TTC14: variants seen among roughly 807,000 people sequenced by gnomAD.
The protein encoded by TTC14 is tetratricopeptide repeat domain 14.
In TTC14, 63 loss-of-function variants were observed where a neutral mutation model predicts 79.9. That is an observed-to-expected ratio of 0.79 (90% confidence interval 0.64 to 0.97). The LOEUF is 0.97. Among genes scored for constraint, TTC14 ranks in the 50% least tolerant of loss-of-function variants. The pLI is 0.00. For synonymous variants in TTC14, 335 were observed against 309.6 expected (o/e 1.08, Z -0.86); for missense variants, 895 against 894.0 (o/e 1.00, Z -0.01).
At position 180,610,117 on chromosome 3, in the gene TTC14, T is replaced by G. The variant is rs369303430; in HGVS notation, c.1888T>G (p.Ser630Ala). Reference sequence around the variant, plus strand: ...ACATTTTTCCAGTAGAAGAAATTCCTCAGATTCCTTCTGTAGGAATTCAGA... The same window carrying G: ...ACATTTTTCCAGTAGAAGAAATTCCGCAGATTCCTTCTGTAGGAATTCAGA... ...ERHFSSRRNS[S>A]DSFCRNSEDK... The change falls in exon 12 of 12, where the codon TCA (serine) becomes GCA (alanine). Residue 630 changes from serine (S) to alanine (A), a missense_variant. Transcript: ENST00000296015. 43 of 1,612,916 alleles carry G rather than the reference T, an allele frequency of 2.7e-5. No individual in the cohort carries two copies. The African/African-American group carries it at 4.5e-4, about 17-fold the overall frequency.
downstream of TTC14, among the ~76,000 whole-genome samples, chr3:180,611,333 A>G (rs1012048394): frequency 6.6e-6 from 1 of 152,226 alleles, no homozygotes; most frequent in Non-Finnish European, 1.5e-5. Context: ...TTTTAGCAAA[A>G]ACATAGCAGT....
chr3:180,616,648 A>T, intron 12 of TTC14: 1 of 1,593,994 alleles, frequency 6.3e-7, no homozygotes, highest in Admixed American at 1.8e-5. Context: ...CCATTGTTTC[A>T]TCTTTTGTGT....
intron 2 of TTC14, 31 bp downstream of exon 2, chr3:180,603,046 C>T (rs562820297): frequency 3.7e-6 from 6 of 1,609,266 alleles, no homozygotes; most frequent in East Asian, 2.2e-5. Flanking sequence ...TTTAAGATTG[C>T]GGTTCGGTTT....
downstream of TTC14, chr3:180,614,134 A>C (rs1717126726): frequency 5.9e-6 from 1 of 170,896 alleles, no homozygotes; most frequent in Non-Finnish European, 1.3e-5. Context: ...TTGGCAGTCT[A>C]CCTCCAACTG....
chr3:180,611,497 T>C (rs987470217), downstream of TTC14, among the ~76,000 whole-genome samples: 3 of 152,184 alleles, frequency 2.0e-5, no homozygotes, highest in African/African-American at 7.2e-5. Context: ...TTGATGCTTC[T>C]CTGATGACCC....
At position 180,606,475 on chromosome 3, in the gene TTC14, C is replaced by T; in HGVS notation, c.1050-6C>T. ...ACAGCCCTCTATCTTTGTTTCATGT[C>T]TCTAGATATGCGACAAAAGGAAGTT... is the stretch of plus-strand genomic sequence containing the variant. On this transcript the variant is annotated splice_region_variant and splice_polypyrimidine_tract_variant and intron_variant, in intron 8 of 11. Transcript: ENST00000296015. 6.2e-7 allele frequency: 1 copy of T among 1,613,652 alleles called. No individual in the cohort carries two copies. The highest frequency in any genetic ancestry group is 8.5e-7 in the Non-Finnish European group (1 of 1,179,836).
chr3:180,608,651 A>G (rs1716821453), intron 10 of TTC14, 50 bp from the exon 11 acceptor site: 1 of 1,443,880 alleles, frequency 6.9e-7, no homozygotes, highest in Non-Finnish European at 9.1e-7. Context: ...GGTTTTATAT[A>G]TTCTGCTATT....
Position 180,617,052 on chromosome 3 carries a change from AATTC to A in TTC14, c.1775-324_1775-321del, listed in dbSNP as rs1195131802. Reference sequence around the variant, plus strand: ...ATTTATCAAGTATTCATTTAATTTTAATTCATTTATTTTTGTACATAATATACAT... The same window carrying A: ...ATTTATCAAGTATTCATTTAATTTTAATTTATTTTTGTACATAATATACAT... On this transcript the variant is annotated intron_variant, in intron 12 of 12. Coordinates refer to the TTC14 transcript ENST00000382584. The A allele has an allele frequency of 1.0e-5, 8 of 762,188 alleles. No individual in the cohort carries two copies. In the Middle Eastern group the frequency reaches 1.6e-3, roughly 148 times the overall value. 47.2% of individuals were successfully genotyped at this position (762,188 alleles called of 1,614,324 possible). A position where few individuals can be genotyped will look rare whatever the true frequency, so the allele number is the denominator to read the frequency against.
At chr3:180,603,542 G>A in intron 3 of TTC14, 7 of 529,382 alleles carry the variant, frequency 1.3e-5, no homozygotes, top group South Asian at 1.2e-4. Flanking sequence ...AAACTGGTTG[G>A]CAGGCACAGT....
At chr3:180,608,233 A>G in intron 10 of TTC14, 1 of 990,960 alleles carries the variant, frequency 1.0e-6, no homozygotes, top group Non-Finnish European at 1.2e-6. Flanking sequence ...TTTCCTATGT[A>G]ATCATGCATC....
Position 180,602,931 on chromosome 3 carries a change from A to G in TTC14, c.202A>G (p.Ile68Val). ...TGACAACATCGAGATACAGAAATTC[A>G]TCTCCAAAAAAGCGGATCTGCTTTT... ...RVDNIEIQKF[I>V]SKKADLLFAL... is the part of the protein sequence containing the mutation. The change falls in exon 2 of 12, where the codon ATC (isoleucine) becomes GTC (valine). Residue 68 changes from isoleucine (I) to valine (V), a missense_variant. Coordinates refer to ENST00000296015, the MANE Select transcript of TTC14 (RefSeq NM_133462.4). 4 of 1,613,594 alleles carry G rather than the reference A, an allele frequency of 2.5e-6. No individual in the cohort carries two copies. The highest frequency in any genetic ancestry group is 2.2e-5 in the East Asian group (1 of 44,864).
intron 10 of TTC14, chr3:180,608,084 T>C (rs1716790507): frequency 1.9e-6 from 2 of 1,043,086 alleles, no homozygotes; most frequent in South Asian, 7.6e-5. Context: ...TAAAAACCTT[T>C]TTGAGACATA....
rs903261644 is a variant in TTC14, at chr3:180,617,356, C to T, written c.1775-24C>T. 3 of 557,426 alleles carry T rather than the reference C, an allele frequency of 5.4e-6. No individual in the cohort carries two copies. In the African/African-American group the frequency reaches 5.7e-5, roughly 11 times the overall value. 34.5% of individuals were successfully genotyped at this position (557,426 alleles called of 1,614,324 possible). ...ATTACTGATTTATGTATTTACTATA[C>T]AATATACTTTTATTATTTTACAGTG... On this transcript the variant is annotated intron_variant, in intron 12 of 12. Transcript: ENST00000382584.
In TTC14 at chr3:180,606,530, G is replaced by C; in HGVS notation, c.1099G>C (p.Ala367Pro). 1 of 1,613,982 alleles carries C rather than the reference G, an allele frequency of 6.2e-7. No homozygotes were observed. The highest frequency in any genetic ancestry group is 8.5e-7 in the Non-Finnish European group (1 of 1,179,896). ...LNKAIEDFEL[A>P]LENCPTHRNA... ...CAAAGCAATAGAAGATTTTGAGCTT[G>C]CATTAGAAAACTGTCCAACTCACAG... The change falls in exon 9 of 12, where the codon GCA becomes CCA. Residue 367 changes from alanine to proline, a missense_variant. Ala to Pro is a conservative substitution (Grantham distance 27). Transcript: ENST00000296015.
intron 6 of TTC14, chr3:180,605,263 C>T: frequency 3.1e-6 from 1 of 324,016 alleles, no homozygotes; most frequent in Non-Finnish European, 5.5e-6. Context: ...AAGAAAAATA[C>T]TGGGTTTTTT....
chr3:180,603,083 C>T, intron 2 of TTC14, 41 bp from the exon 3 acceptor site: 1 of 1,610,082 alleles, frequency 6.2e-7, no homozygotes, highest in Non-Finnish European at 8.5e-7. Context: ...AAACGGAACT[C>T]AAAACTATCG....
At chr3:180,607,813 C>T (rs746234821) in intron 10 of TTC14, 48 bp downstream of exon 10, 1 of 1,592,752 alleles carries the variant, frequency 6.3e-7, no homozygotes, top group Non-Finnish European at 8.5e-7. Flanking sequence ...TGAAATAATG[C>T]CCAAACTTAA....
At position 180,609,692 on chromosome 3, in the gene TTC14, T is replaced by G; in HGVS notation, c.1463T>G (p.Val488Gly). The G allele has an allele frequency of 6.2e-7, 1 of 1,605,738 alleles. No individual in the cohort carries two copies. The highest frequency in any genetic ancestry group is 8.5e-7 in the Non-Finnish European group (1 of 1,177,858). The change falls in exon 12 of 12, where the codon GTG (valine) becomes GGG (glycine). Residue 488 changes from valine (V) to glycine (G), a missense_variant. Physicochemically the swap from Val to Gly is moderately radical, Grantham distance 109 (BLOSUM62 -3). Coordinates refer to ENST00000296015, the MANE Select transcript of TTC14 (RefSeq NM_133462.4). ...AGTGTTTCTTCTGCTGATGAATCAG[T>G]GTCTTCATCATCATCCTCTTCCTCT... ...SSSVSSADES[V>G]SSSSSSSSSG...
downstream of TTC14, among the ~76,000 whole-genome samples, chr3:180,615,895 A>G (rs745323055): frequency 6.6e-6 from 1 of 152,226 alleles, no homozygotes; most frequent in Non-Finnish European, 1.5e-5. Flanking sequence ...GAATCACAAA[A>G]ATCATATTCT....
Sources: gnomAD v4.1 joint callset for allele counts (sites outside exome capture counted in the v4.1 genomes callset) on GRCh38, gnomAD v4.1.1 for gene constraint, MANE v1.5 for transcripts, NCBI Gene and HGNC (gene_info 2026-07-23, HGNC 2026-07-21) for gene names.